SCLY: variants seen among roughly 807,000 people sequenced by gnomAD.
SCLY encodes the protein selenocysteine lyase.
A neutral mutation model predicts 50.1 loss-of-function variants in SCLY; 38 were observed. The observed-to-expected ratio is 0.76, with a 90% CI of 0.59 to 0.99. The LOEUF (loss-of-function observed/expected upper bound fraction) is 0.99. SCLY is among the 50% of genes least tolerant of loss of function. The pLI, the probability that SCLY is intolerant of heterozygous loss-of-function variation, is 0.00. For synonymous variants in SCLY, 243 were observed against 249.4 expected (o/e 0.97, Z 0.24); for missense variants, 600 against 620.0 (o/e 0.97, Z 0.34).
At chr2:238,086,235 A>AAT (rs549561205) in intron 7 of SCLY, among the ~76,000 whole-genome samples, 7 of 152,260 alleles carry the variant, frequency 4.6e-5, no homozygotes, top group Non-Finnish European at 8.8e-5. Context: ...CACCAAATAC[A>AAT]ATAGGCTTTC....
intron 4 of SCLY, among the ~76,000 whole-genome samples, chr2:238,074,167 G>A (rs2065151548): frequency 6.6e-6 from 1 of 152,008 alleles, no homozygotes; most frequent in Non-Finnish European, 1.5e-5. Context: ...TTAGCCATGA[G>A]TGGTGGCACA....
At chr2:238,078,557 A>G (rs781411464) in intron 4 of SCLY, 20 of 152,268 alleles carry the variant, frequency 1.3e-4, no homozygotes, top group Non-Finnish European at 2.9e-4. Context: ...CTTCAAATTT[A>G]TACTAATTTA....
rs141888719 is a variant in SCLY, at chr2:238,068,068, G to T, written c.206G>T (p.Arg69Ile). 126 of 1,608,694 alleles carry T rather than the reference G, an allele frequency of 7.8e-5. No homozygotes were observed. Among genetic ancestry groups the T allele is most frequent in the Non-Finnish European group, 1.0e-4 (122 of 1,178,136 alleles). ...GNPSSPYSAGRKAKDIINAAR... is the reference protein window; with the variant it reads ...GNPSSPYSAGIKAKDIINAAR... The stretch of plus-strand genomic sequence containing the variant: ...ATTTCCTTTTTGGTCCCTCAAGGAA[G>T]AAAGGCCAAGGATATTATAAATGCA... The change falls in exon 3 of 12, where the codon AGA becomes ATA. Residue 69 changes from arginine to isoleucine, a missense_variant. Arg to Ile is a moderately conservative substitution (Grantham distance 97). Coordinates refer to ENST00000254663, the MANE Select transcript of SCLY (RefSeq NM_016510.7).
At position 238,067,976 on chromosome 2, in the gene SCLY, C is replaced by T; in HGVS notation, c.203-89C>T. ...GTCTTAGAACGGCCCACGCAGACCT[C>T]TTATTCCTTTGTATTTGGTTGTCCT... On this transcript the variant is annotated intron_variant, in intron 2 of 11. Coordinates refer to ENST00000254663, the MANE Select transcript of SCLY (RefSeq NM_016510.7). This position sits in a 1 kb window ranked among gnomAD's most constrained non-coding sequence, Gnocchi z 4.3. 1.0e-6 allele frequency: 1 copy of T among 963,578 alleles called. No homozygotes were observed. The highest frequency in any genetic ancestry group is 2.2e-5 in the Admixed American group (1 of 45,152). 59.7% of individuals were successfully genotyped at this position (963,578 alleles called of 1,614,324 possible).
intron 2 of SCLY, chr2:238,064,714 C>A: frequency 3.5e-6 from 1 of 283,726 alleles, no homozygotes; most frequent in Non-Finnish European, 6.7e-6. Context: ...TCACCCTTTC[C>A]CAGATGAGAA....
At chr2:238,070,241 GA>G (rs2065114885) in intron 4 of SCLY, among the ~76,000 whole-genome samples, 1 of 152,220 alleles carries the variant, frequency 6.6e-6, no homozygotes, top group East Asian at 1.9e-4. Context: ...CACTATCCTT[GA>G]GACAGATTTT....
At chr2:238,075,260 CAT>C (rs2065161954) in intron 4 of SCLY, among the ~76,000 whole-genome samples, 1 of 152,084 alleles carries the variant, frequency 6.6e-6, no homozygotes, top group Non-Finnish European at 1.5e-5. Flanking sequence ...TAATCCTTTT[CAT>C]ATGTTTTTAG....
intron 2 of SCLY, among the ~76,000 whole-genome samples, chr2:238,065,794 C>A (rs1265352867): frequency 6.6e-6 from 1 of 151,928 alleles, no homozygotes. Flanking sequence ...TCTGCCTCAG[C>A]CTCCCAAGTA....
At position 238,082,091 on chromosome 2, in the gene SCLY, G is replaced by C; in HGVS notation, c.659G>C (p.Arg220Pro). ...SQRIKALNQE[R>P]VAAGLPPILV... The stretch of plus-strand genomic sequence containing the variant: ...CGCATTAAAGCCCTGAACCAGGAAC[G>C]GGTGGCAGCTGGGCTACCTCCCATC... The change falls in exon 6 of 12, where the codon CGG becomes CCG. Residue 220 changes from arginine (R) to proline (P), a missense_variant. Arg to Pro is a moderately radical substitution (Grantham distance 103). Transcript: ENST00000254663. 1.2e-6 allele frequency: 2 copies of C among 1,613,856 alleles called. No individual in the cohort carries two copies. The highest frequency in any genetic ancestry group is 1.7e-6 in the Non-Finnish European group (2 of 1,180,010).
chr2:238,094,501 A>C lies in SCLY; in HGVS notation c.1087A>C (p.Ile363Leu). 2.5e-6 allele frequency: 4 copies of C among 1,614,174 alleles called. No individual in the cohort carries two copies. Among genetic ancestry groups the C allele is most frequent in the Non-Finnish European group, 3.4e-6 (4 of 1,180,006 alleles). Residue 363 changes from isoleucine to leucine, a missense_variant, in exon 10 of 12, where the codon ATC (isoleucine) becomes CTC (leucine). Transcript: ENST00000254663. The stretch of plus-strand genomic sequence containing the variant: ...GCTTCCCAATACCTGTAACTTTTCC[A>C]TCCGGGGACCCCGGCTTCAAGGTGA... ...QRLPNTCNFS[I>L]RGPRLQGHVV...
At chr2:238,072,339 A>G (rs1032951311) in intron 4 of SCLY, among the ~76,000 whole-genome samples, 9 of 152,154 alleles carry the variant, frequency 5.9e-5, no homozygotes, top group Non-Finnish European at 1.2e-4. Flanking sequence ...CTAATGTGAC[A>G]TTTGTGCGTA....
intron 4 of SCLY, chr2:238,073,634 G>T: frequency 1.7e-5 from 5 of 299,832 alleles, no homozygotes; most frequent in East Asian, 1.1e-4. Flanking sequence ...TTCATTTTTG[G>T]ATTGTTCATT....
chr2:238,091,719 C>A (rs2065364396), intron 8 of SCLY: 1 of 172,150 alleles, frequency 5.8e-6, no homozygotes, highest in South Asian at 1.4e-4. Context: ...ACTGGTTACA[C>A]CTCGGCGTCT....
At chr2:238,076,210 A>C (rs377325094) in intron 4 of SCLY, among the ~76,000 whole-genome samples, 3 of 151,448 alleles carry the variant, frequency 2.0e-5, no homozygotes, top group African/African-American at 7.3e-5. Flanking sequence ...TTGTGCCTCA[A>C]CCTCCCAAGT....
chr2:238,094,923 C>G lies in SCLY; in HGVS notation c.1108+401C>G, dbSNP rs543345840. 2.8e-5 allele frequency: 5 copies of G among 178,624 alleles called. 1 individual carries two copies. The South Asian group carries it at 8.0e-4, about 28-fold the overall frequency. The allele number at this position is 178,624 out of a possible 1,614,324, so 11.1% of individuals were successfully genotyped here. A position where few individuals can be genotyped will look rare whatever the true frequency, so the allele number is the denominator to read the frequency against. ...GATCAGTTTTAAAAACTGGCAGAGG[C>G]TGGGCACAGTGGCTCGTGCCTGTAA... On this transcript the variant is annotated intron_variant, in intron 10 of 11. Coordinates refer to ENST00000254663, the MANE Select transcript of SCLY (RefSeq NM_016510.7).
intron 4 of SCLY, chr2:238,078,500 G>A (rs1399048166): frequency 6.6e-6 from 1 of 151,710 alleles, no homozygotes; most frequent in Admixed American, 6.6e-5. Context: ...TATTTCCTTA[G>A]TGGTTGTCAA....
chr2:238,093,589 C>T, intron 8 of SCLY: 3 of 473,350 alleles, frequency 6.3e-6, no homozygotes, highest in South Asian at 5.5e-5. Flanking sequence ...GTCCGTCTGC[C>T]TCTCTGGGAT....
chr2:238,085,073 C>T (rs2065279659), intron 7 of SCLY, among the ~76,000 whole-genome samples: 2 of 152,074 alleles, frequency 1.3e-5, no homozygotes, highest in Non-Finnish European at 2.9e-5. Context: ...AATCATTCAT[C>T]ATACCAAGAA....
intron 4 of SCLY, chr2:238,080,828 G>C (rs190656232): frequency 6.6e-6 from 1 of 152,422 alleles, no homozygotes; most frequent in Non-Finnish European, 1.5e-5. Context: ...GCTTCCCGCT[G>C]TCCACCCTGA....
Sources: allele counts gnomAD v4.1 joint callset (sites outside exome capture counted in the v4.1 genomes callset), GRCh38; gene constraint gnomAD v4.1.1; non-coding constraint Gnocchi (gnomAD v3.1); transcripts MANE v1.5; gene names NCBI Gene and HGNC (gene_info 2026-07-23, HGNC 2026-07-21).